ZNF385B: variants seen among roughly 807,000 people sequenced by gnomAD.
The protein encoded by ZNF385B is zinc finger protein 385B.
Under a neutral mutation model 39.2 loss-of-function variants are expected in ZNF385B, and 23 were observed. The ratio of observed to expected loss-of-function variants is 0.59; its 90% CI spans 0.42 to 0.83. The LOEUF (loss-of-function observed/expected upper bound fraction) is 0.83. ZNF385B is among the 40% of genes least tolerant of loss of function. The pLI is 0.00. For synonymous variants in ZNF385B, 205 were observed against 222.6 expected (o/e 0.92, Z 0.70); for missense variants, 552 against 598.9 (o/e 0.92, Z 0.82).
chr2:179,583,968 T>C, intron 3 of ZNF385B: 1 of 1,302,708 alleles, frequency 7.7e-7, no homozygotes, highest in South Asian at 1.2e-5. Context: ...CATACATTCA[T>C]ATTTACCGAG....
rs544586371 is a variant in ZNF385B, at chr2:179,559,243, G to A, written c.299-14274C>T. ...AAGTTCTTCAAACACTCCTGTGGGC[G>A]ACTGGAAGACAATGTGAGCTCACCC... On this transcript the variant is annotated intron_variant, in intron 3 of 9. Transcript: ENST00000410066. Among the ~76,000 whole-genome samples, 19 of 152,270 alleles carry A rather than the reference G, an allele frequency of 1.2e-4. No homozygotes were observed. The South Asian group carries it at 3.1e-3, about 25-fold the overall frequency.
chr2:179,506,228 G>A (rs2057245723), intron 5 of ZNF385B, among the ~76,000 whole-genome samples: 1 of 152,066 alleles, frequency 6.6e-6, no homozygotes, highest in Non-Finnish European at 1.5e-5. Context: ...TGATAGTATA[G>A]TGAATTTAAA....
At chr2:179,781,961 C>T (rs919024137) in intron 1 of ZNF385B, among the ~76,000 whole-genome samples, 4 of 152,150 alleles carry the variant, frequency 2.6e-5, no homozygotes, top group Admixed American at 2.0e-4. Context: ...GGAGGAGAGA[C>T]TCCTCCCCAG....
intron 3 of ZNF385B, among the ~76,000 whole-genome samples, chr2:179,734,359 T>C (rs1025365630): frequency 4.6e-5 from 7 of 152,198 alleles, no homozygotes; most frequent in Non-Finnish European, 8.8e-5. Flanking sequence ...TATTACCACA[T>C]TGCCCTGCAA....
intron 3 of ZNF385B, among the ~76,000 whole-genome samples, chr2:179,703,023 T>G (rs1699326222): frequency 6.6e-6 from 1 of 152,232 alleles, no homozygotes. Context: ...ACTGTTCACC[T>G]TCAGCCTCTT....
intron 3 of ZNF385B, among the ~76,000 whole-genome samples, chr2:179,626,098 A>G (rs917450830): frequency 6.6e-6 from 1 of 152,186 alleles, no homozygotes; most frequent in Non-Finnish European, 1.5e-5. Context: ...ATTTTACTTC[A>G]CAACTCAGAA....
chr2:179,459,587 A>G (rs1390287310), intron 6 of ZNF385B, among the ~76,000 whole-genome samples: 1 of 109,756 alleles, frequency 9.1e-6, no homozygotes, highest in East Asian at 3.0e-4. Context: ...GAGAGAAAAT[A>G]AGTGTGTGTG....
chr2:179,751,723 A>G (rs1406219752), intron 3 of ZNF385B, among the ~76,000 whole-genome samples: 1 of 152,070 alleles, frequency 6.6e-6, no homozygotes, highest in African/African-American at 2.4e-5. Context: ...GCAGCAAGAA[A>G]AAAATAAAAT....
At chr2:179,851,970 A>G (rs1297524512) in intron 1 of ZNF385B, among the ~76,000 whole-genome samples, 1 of 152,232 alleles carries the variant, frequency 6.6e-6, no homozygotes, top group Admixed American at 6.5e-5. Flanking sequence ...AATATTAAAG[A>G]AAGACAACAG....
chr2:179,713,466 TTCC>T lies in ZNF385B; in HGVS notation c.298+56034_298+56036del, dbSNP rs766564365. Among the ~76,000 whole-genome samples the T allele has an allele frequency of 3.2e-4, 49 of 152,298 alleles. No homozygotes were observed. The East Asian group carries it at 5.6e-3, about 17-fold the overall frequency. ...TATTTAATCTTCAATCTCAGCTAAT[TTCC>T]TCTCTGACCACTATAACTATTCCCT... On this transcript the variant is annotated intron_variant, in intron 3 of 9. Transcript: ENST00000410066.
intron 3 of ZNF385B, among the ~76,000 whole-genome samples, chr2:179,757,585 C>A (rs1703121762): frequency 6.6e-6 from 1 of 152,176 alleles, no homozygotes. Context: ...GCATGCAGGC[C>A]TCCTTGAACT....
intron 3 of ZNF385B, among the ~76,000 whole-genome samples, chr2:179,559,459 A>G (rs1242402471): frequency 2.0e-5 from 3 of 152,140 alleles, no homozygotes; most frequent in African/African-American, 7.2e-5. Flanking sequence ...AACATCTCCA[A>G]TGAACACCCA....
In ZNF385B at chr2:179,769,729, G is replaced by A; in HGVS notation, c.72C>T (p.Gly24=). The change falls in exon 3 of 10, where the codon GGC becomes GGT. Residue 24 remains glycine, a synonymous_variant. Transcript: ENST00000410066. Reference sequence around the variant, plus strand: ...CGTTCTTTATCCCCTTTTCTTCAAAGCCCCGTAGAAAATTTGCCATATTCA... The same window carrying A: ...CGTTCTTTATCCCCTTTTCTTCAAAACCCCGTAGAAAATTTGCCATATTCA... The part of the protein sequence containing the change: ...GIMNMANFLR[G]FEEKGIKNDR... 1 of 1,614,100 alleles carries A rather than the reference G, an allele frequency of 6.2e-7. No individual in the cohort carries two copies. Among genetic ancestry groups the A allele is most frequent in the Non-Finnish European group, 8.5e-7 (1 of 1,180,014 alleles).
intron 4 of ZNF385B, among the ~76,000 whole-genome samples, chr2:179,523,298 T>A (rs1275264719): frequency 7.1e-6 from 1 of 140,198 alleles, no homozygotes; most frequent in African/African-American, 2.8e-5. Context: ...ATAAGAACAA[T>A]TTTTTTTTTT....
intron 3 of ZNF385B, among the ~76,000 whole-genome samples, chr2:179,761,766 T>TC (rs1703409900): frequency 6.7e-6 from 1 of 148,322 alleles, no homozygotes; most frequent in Non-Finnish European, 1.5e-5. Context: ...CTTTTCTTTT[T>TC]TTTTTTTTTT....
chr2:179,454,394 C>A (rs763077346), intron 6 of ZNF385B, among the ~76,000 whole-genome samples: 26 of 152,086 alleles, frequency 1.7e-4, no homozygotes, highest in Non-Finnish European at 3.5e-4. Flanking sequence ...ATAGCACACA[C>A]AATTATGTAA....
intron 3 of ZNF385B, chr2:179,746,117 C>A (rs1575410224): frequency 1.2e-6 from 1 of 830,414 alleles, no homozygotes; most frequent in East Asian, 1.1e-4. Flanking sequence ...TGCATGAAAT[C>A]AGCCACTGTG....
At chr2:179,570,984 A>C (rs1427074637) in intron 3 of ZNF385B, among the ~76,000 whole-genome samples, 2 of 152,194 alleles carry the variant, frequency 1.3e-5, no homozygotes, top group African/African-American at 2.4e-5. Flanking sequence ...TCTACAGTGA[A>C]TCTTTCTATA....
chr2:179,574,707 C>T (rs1685610828), intron 3 of ZNF385B, among the ~76,000 whole-genome samples: 1 of 152,178 alleles, frequency 6.6e-6, no homozygotes, highest in South Asian at 2.1e-4. Context: ...ATATTCTTCA[C>T]ATAGCATAGA....
Sources: gnomAD v4.1 joint callset for allele counts (sites outside exome capture counted in the v4.1 genomes callset) on GRCh38, gnomAD v4.1.1 for gene constraint, MANE v1.5 for transcripts, NCBI Gene and HGNC (gene_info 2026-07-23, HGNC 2026-07-21) for gene names.